The following PCSK6 variants were observed in gnomAD, a reference collection of about 807,000 sequenced individuals.
The protein encoded by PCSK6 is paired basic amino acid cleaving enzyme 4.
Under a neutral mutation model 123.3 loss-of-function variants are expected in PCSK6, and 85 were observed. That is an observed-to-expected ratio of 0.69 (90% CI 0.58 to 0.83). PCSK6 has a LOEUF of 0.83. Among genes scored for constraint, PCSK6 ranks in the 40% least tolerant of loss-of-function variants. PCSK6 has a pLI of 0.00. For synonymous variants in PCSK6, 508 were observed against 516.0 expected (o/e 0.98, Z 0.21); for missense variants, 1,191 against 1,282.3 (o/e 0.93, Z 1.09).
chr15:101,309,476 T>C (rs1014399539), intron 20 of PCSK6, among the ~76,000 whole-genome samples: 2 of 152,220 alleles, frequency 1.3e-5, no homozygotes, highest in Admixed American at 6.5e-5. Context: ...CCAAACACCA[T>C]GGCCGCTTTG....
Position 101,305,029 on chromosome 15 carries a change from G to A in PCSK6, c.*229C>T, listed in dbSNP as rs1305395958. 13 of 519,940 alleles carry A rather than the reference G, an allele frequency of 2.5e-5. No homozygotes were observed. Among genetic ancestry groups the A allele is most frequent in the African/African-American group, 5.7e-5 (3 of 52,210 alleles). 32.2% of individuals were successfully genotyped at this position (519,940 alleles called of 1,614,324 possible). On this transcript the variant is annotated 3_prime_UTR_variant, in exon 22 of 22. Coordinates refer to ENST00000611716, the MANE Select transcript of PCSK6 (RefSeq NM_002570.5). The surrounding 1 kb of genome is among the most constrained non-coding windows in gnomAD (Gnocchi z 4.8). ...TTCATTTTGTTCCTGTTAGTTTGTC[G>A]GAAGACTGGAGCCAACAAGCAGCAT...
intron 11 of PCSK6, among the ~76,000 whole-genome samples, chr15:101,371,490 G>A (rs2041585460): frequency 6.6e-6 from 1 of 152,198 alleles, no homozygotes; most frequent in Admixed American, 6.5e-5. Context: ...CCACTACTTT[G>A]TTCCGAAGAC....
intron 19 of PCSK6, among the ~76,000 whole-genome samples, chr15:101,317,271 T>C (rs1031788849): frequency 6.6e-6 from 1 of 152,128 alleles, no homozygotes; most frequent in Non-Finnish European, 1.5e-5. Context: ...GTGAGTTTCT[T>C]AGAAAGGACC....
At position 101,462,986 on chromosome 15, in the gene PCSK6, G is replaced by T. The variant is rs57954527; in HGVS notation, c.298-19326C>A. 9.4e-3 allele frequency: 4,271 copies of T among 456,198 alleles called. 105 individuals are homozygous for T. The highest frequency in any genetic ancestry group is 0.071 in the African/African-American group (3,582 of 50,216). The allele number at this position is 456,198 out of a possible 1,614,324, so 28.3% of individuals were successfully genotyped here. A position where few individuals can be genotyped will look rare whatever the true frequency, so the allele number is the denominator to read the frequency against. On this transcript the variant is annotated intron_variant, in intron 1 of 21. Transcript: ENST00000611716. ...CCTGGGAAGGCTTTGTGCAGAGGAG[G>T]GCCGTTTCCTCCTCCGTGTTGGGAG...
intron 13 of PCSK6, among the ~76,000 whole-genome samples, chr15:101,339,152 T>C (rs1211545444): frequency 6.6e-6 from 1 of 152,194 alleles, no homozygotes; most frequent in Non-Finnish European, 1.5e-5. Flanking sequence ...ACAAAGCAAG[T>C]AGGGGTGGGG....
intron 1 of PCSK6, among the ~76,000 whole-genome samples, chr15:101,479,193 G>A (rs968737649): frequency 6.6e-6 from 1 of 152,330 alleles, no homozygotes; most frequent in African/African-American, 2.4e-5. Flanking sequence ...TCAGGAAGCA[G>A]CACTTTGGCT....
At chr15:101,386,462 A>C (rs1301648293) in intron 9 of PCSK6, among the ~76,000 whole-genome samples, 1 of 152,136 alleles carries the variant, frequency 6.6e-6, no homozygotes, top group East Asian at 1.9e-4. Flanking sequence ...CCACCTCCAG[A>C]ACTTTTCACC....
At chr15:101,390,167 C>T (rs1442257259) in intron 8 of PCSK6, among the ~76,000 whole-genome samples, 6 of 148,816 alleles carry the variant, frequency 4.0e-5, no homozygotes, top group African/African-American at 1.2e-4. Context: ...CACAGGGCAA[C>T]AAGGCAGGTA....
chr15:101,435,318 A>G (rs933421049), intron 2 of PCSK6, among the ~76,000 whole-genome samples: 1 of 148,100 alleles, frequency 6.8e-6, no homozygotes, highest in Admixed American at 6.7e-5. Context: ...CTCAAAAAAA[A>G]AAAGAAAGAA....
At chr15:101,386,071 G>C (rs879864740) in intron 9 of PCSK6, among the ~76,000 whole-genome samples, 2 of 151,112 alleles carry the variant, frequency 1.3e-5, no homozygotes, top group African/African-American at 2.4e-5. Context: ...CAGGTGACCA[G>C]AAGCACAAGC....
At chr15:101,365,426 G>A (rs1000860453) in intron 13 of PCSK6, among the ~76,000 whole-genome samples, 2 of 152,206 alleles carry the variant, frequency 1.3e-5, no homozygotes, top group Admixed American at 6.5e-5. Context: ...ACGAGAATGT[G>A]AAGGAGCTGG....
chr15:101,365,145 T>C, intron 13 of PCSK6: 1 of 543,514 alleles, frequency 1.8e-6, no homozygotes, highest in Non-Finnish European at 3.4e-6. Context: ...CAAAAATAAT[T>C]CAAAATGGAT....
intron 13 of PCSK6, among the ~76,000 whole-genome samples, chr15:101,340,316 CT>C (rs2040572807): frequency 6.6e-6 from 1 of 152,164 alleles, no homozygotes; most frequent in African/African-American, 2.4e-5. Context: ...CACAAAAACC[CT>C]GAAAGATGGT....
At position 101,458,025 on chromosome 15, in the gene PCSK6, G is replaced by C. The variant is rs138096879; in HGVS notation, c.298-14365C>G. ...CCTCACAGATGGTTGCCCGTGGTAC[G>C]TCCCTCCAGAGGTGGAGCTGGGTCC... On this transcript the variant is annotated intron_variant, in intron 1 of 21. Coordinates refer to ENST00000611716, the MANE Select transcript of PCSK6 (RefSeq NM_002570.5). Among the ~76,000 whole-genome samples the C allele has an allele frequency of 1.4e-3, 216 of 152,262 alleles. 1 individual carries two copies. The highest frequency in any genetic ancestry group is 0.012 in the East Asian group (61 of 5,176).
intron 13 of PCSK6, 93 bp downstream of exon 13, chr15:101,366,103 G>A (rs535533698): frequency 2.2e-4 from 288 of 1,309,252 alleles, no homozygotes; most frequent in Non-Finnish European, 8.2e-5. Context: ...ACAAAACAAA[G>A]AATTATCAGA....
intron 2 of PCSK6, among the ~76,000 whole-genome samples, chr15:101,442,424 G>A (rs1040092851): frequency 6.6e-6 from 1 of 151,980 alleles, no homozygotes; most frequent in Non-Finnish European, 1.5e-5. Flanking sequence ...AGCTCCATGG[G>A]GACCACTTCC....
chr15:101,427,823 C>T (rs534342423), intron 6 of PCSK6, 69 bp downstream of exon 6: 155 of 1,244,760 alleles, frequency 1.2e-4, no homozygotes, highest in African/African-American at 8.5e-4. Flanking sequence ...CTGAGACCAG[C>T]GGACAGGGAG....
rs116473704 is a variant in PCSK6, at chr15:101,398,243, G to A, written c.996+161C>T. Among the ~76,000 whole-genome samples, 1 of 152,198 alleles carries A rather than the reference G, an allele frequency of 6.6e-6. No homozygotes were observed. The highest frequency in any genetic ancestry group is 2.4e-5 in the African/African-American group (1 of 41,452). On this transcript the variant is annotated intron_variant, in intron 7 of 21. Transcript: ENST00000611716. The surrounding 1 kb of genome is among the most constrained non-coding windows in gnomAD (Gnocchi z 4.6). ...CTCGCCGGTCAAGAGCCACTTCTCAGACTCCCCGAGTGACTCCTCCACACT... is the reference window on the plus strand; with the variant it reads ...CTCGCCGGTCAAGAGCCACTTCTCAAACTCCCCGAGTGACTCCTCCACACT...
intron 1 of PCSK6, among the ~76,000 whole-genome samples, chr15:101,480,991 G>T (rs1034269777): frequency 1.3e-5 from 2 of 152,182 alleles, no homozygotes; most frequent in African/African-American, 4.8e-5. Context: ...TGCAAGGCAG[G>T]GGCCACATTT....
Sources: gnomAD v4.1 joint callset for allele counts (sites outside exome capture counted in the v4.1 genomes callset) on GRCh38, gnomAD v4.1.1 for gene constraint, Gnocchi (gnomAD v3.1) non-coding constraint, MANE v1.5 for transcripts, NCBI Gene and HGNC (gene_info 2026-07-23, HGNC 2026-07-21) for gene names.